The following BEND6 variants were observed in gnomAD, a reference collection of about 807,000 sequenced individuals.
The protein encoded by BEND6 is BEN domain containing 6.
In BEND6, 24 loss-of-function variants were observed where a neutral mutation model predicts 31.8. That is an observed-to-expected ratio of 0.75 (90% CI 0.55 to 1.06). The LOEUF (loss-of-function observed/expected upper bound fraction) is 1.06, where lower values mean the gene tolerates loss of function less well. BEND6 is among the 50% of genes least tolerant of loss of function. The pLI, the probability that BEND6 is intolerant of heterozygous loss-of-function variation, is 0.00. For missense variants in BEND6, 294 were observed against 327.4 expected (o/e 0.90, Z 0.79); for synonymous variants, 109 against 114.6 (o/e 0.95, Z 0.31).
intron 1 of BEND6, among the ~76,000 whole-genome samples, chr6:56,964,652 C>T (rs557696729): frequency 3.2e-4 from 48 of 152,252 alleles, no homozygotes; most frequent in African/African-American, 1.1e-3. Context: ...CAAGCAGGCA[C>T]CACCATACCT....
intron 3 of BEND6, among the ~76,000 whole-genome samples, chr6:57,012,659 TG>T (rs1827387609): frequency 6.6e-6 from 1 of 151,996 alleles, no homozygotes; most frequent in African/African-American, 2.4e-5. Context: ...CCATTTTAAT[TG>T]GGAAAAAAAG....
At chr6:57,007,653 G>T (rs1340133973) in intron 3 of BEND6, among the ~76,000 whole-genome samples, 2 of 152,066 alleles carry the variant, frequency 1.3e-5, no homozygotes, top group Non-Finnish European at 1.5e-5. Context: ...TAATGAGCTG[G>T]GTATGGTGTC....
intron 1 of BEND6, among the ~76,000 whole-genome samples, chr6:56,974,333 G>C (rs913580031): frequency 2.0e-5 from 3 of 152,052 alleles, no homozygotes; most frequent in Non-Finnish European, 2.9e-5. Flanking sequence ...TGGATCTTTA[G>C]GTCAGATTTT....
intron 1 of BEND6, among the ~76,000 whole-genome samples, chr6:56,978,101 CAAAAACA>C (rs1212414429): frequency 6.1e-5 from 9 of 146,686 alleles, no homozygotes; most frequent in Non-Finnish European, 1.2e-4. Context: ...CCTGTCTCTA[CAAAAACA>C]AAAAACAAAA....
intron 4 of BEND6, 122 bp from the exon 5 acceptor site, chr6:57,017,085 A>G (rs41267681): frequency 0.14 from 46,912 of 336,408 alleles, 3,962 homozygotes; most frequent in Middle Eastern, 0.22. Flanking sequence ...TAAAATATAT[A>G]TATAATATCT....
intron 1 of BEND6, among the ~76,000 whole-genome samples, chr6:56,962,556 C>G (rs913161008): frequency 1.3e-5 from 2 of 152,170 alleles, no homozygotes; most frequent in African/African-American, 4.8e-5. Context: ...AGAAACAGAC[C>G]TTGGATCAAT....
chr6:56,977,859 A>G (rs76536521), intron 1 of BEND6, among the ~76,000 whole-genome samples: 6,122 of 152,306 alleles, frequency 0.04, 170 homozygotes, highest in Non-Finnish European at 0.065. Context: ...AGGGAAGCCA[A>G]GACGGGAGGA....
intron 2 of BEND6, among the ~76,000 whole-genome samples, chr6:56,984,681 T>C (rs562902851): frequency 7.4e-4 from 113 of 152,332 alleles, no homozygotes; most frequent in African/African-American, 2.6e-3. Flanking sequence ...TATTTGATCA[T>C]GGATTGTAAG....
chr6:56,967,637 G>A (rs1433675076), intron 1 of BEND6, among the ~76,000 whole-genome samples: 1 of 152,094 alleles, frequency 6.6e-6, no homozygotes, highest in South Asian at 2.1e-4. Flanking sequence ...CATCTAACCA[G>A]GACTATAGTC....
At chr6:56,957,820 G>A (rs9382670) in intron 1 of BEND6, among the ~76,000 whole-genome samples, 32,556 of 152,078 alleles carry the variant, frequency 0.21, 3,632 homozygotes, top group Middle Eastern at 0.23. Context: ...TTGATACCAC[G>A]TATGTAGAAG....
At chr6:56,977,341 G>A (rs1483921437) in intron 1 of BEND6, among the ~76,000 whole-genome samples, 2 of 152,266 alleles carry the variant, frequency 1.3e-5, no homozygotes, top group East Asian at 3.9e-4. Flanking sequence ...TGAGTTTAGA[G>A]TGACTAACAA....
At chr6:57,018,287 A>G (rs1827631294) in intron 5 of BEND6, 134 bp from the exon 6 acceptor site, 1 of 876,634 alleles carries the variant, frequency 1.1e-6, no homozygotes, top group South Asian at 2.3e-5. Context: ...TAAATAGCTC[A>G]TGGGTGTTTG....
At chr6:57,008,116 C>T (rs1827223913) in intron 3 of BEND6, 1 of 698,278 alleles carries the variant, frequency 1.4e-6, no homozygotes, top group Non-Finnish European at 2.6e-6. Flanking sequence ...AAAAGGGCCC[C>T]AGTACCTTCA....
chr6:56,957,139 T>C (rs774800547), intron 1 of BEND6, among the ~76,000 whole-genome samples: 1 of 152,212 alleles, frequency 6.6e-6, no homozygotes, highest in Non-Finnish European at 1.5e-5. Flanking sequence ...ATAGCTATTA[T>C]GGTTTTCTGA....
chr6:56,985,829 T>C lies in BEND6; in HGVS notation c.120+3899T>C, dbSNP rs868315458. Among the ~76,000 whole-genome samples, 6 of 152,236 alleles carry C rather than the reference T, an allele frequency of 3.9e-5. No individual in the cohort carries two copies. The South Asian group carries it at 1.2e-3, about 31-fold the overall frequency. ...GGATTTCCTGTTCTGTCAATTCTTA[T>C]TGATTTGCACTAATACCTTATCTAT... is the stretch of plus-strand genomic sequence containing the variant. On this transcript the variant is annotated intron_variant, in intron 2 of 6. Coordinates refer to ENST00000370746, the MANE Select transcript of BEND6 (RefSeq NM_152731.3).
At chr6:56,988,068 G>A (rs1180235561) in intron 2 of BEND6, among the ~76,000 whole-genome samples, 2 of 148,852 alleles carry the variant, frequency 1.3e-5, no homozygotes, top group Non-Finnish European at 3.0e-5. Context: ...CCAGACTGGA[G>A]TGCAGTGGCA....
chr6:56,959,949 T>C (rs1276077267), intron 1 of BEND6, among the ~76,000 whole-genome samples: 2 of 152,170 alleles, frequency 1.3e-5, no homozygotes, highest in Admixed American at 6.5e-5. Flanking sequence ...GGAGTTCTTT[T>C]TGGGTGTGTG....
intron 2 of BEND6, among the ~76,000 whole-genome samples, chr6:56,984,115 G>C (rs1355875221): frequency 3.3e-5 from 5 of 151,970 alleles, no homozygotes; most frequent in African/African-American, 1.2e-4. Context: ...TAGCTACTTG[G>C]GAGGTTGAGG....
intron 1 of BEND6, among the ~76,000 whole-genome samples, chr6:56,966,378 A>G (rs1825479025): frequency 6.6e-6 from 1 of 152,214 alleles, no homozygotes; most frequent in Admixed American, 6.5e-5. Context: ...CTAGGATTAC[A>G]GGCGTGAGCC....
Sources: gnomAD v4.1 joint callset for allele counts (sites outside exome capture counted in the v4.1 genomes callset) on GRCh38, gnomAD v4.1.1 for gene constraint, MANE v1.5 for transcripts, NCBI Gene and HGNC (gene_info 2026-07-23, HGNC 2026-07-21) for gene names.